PDE10A: variants seen among roughly 807,000 people sequenced by gnomAD.
The protein encoded by PDE10A is phosphodiesterase 10A, also known as cAMP and cAMP-inhibited cGMP 3',5'-cyclic phosphodiesterase 10A.
PDE10A carries 39 observed loss-of-function variants against 97.7 expected under a neutral mutation model. The observed-to-expected ratio is 0.40, with a 90% CI of 0.31 to 0.52. PDE10A has a LOEUF of 0.52. Ranked by LOEUF, PDE10A falls within the 20% of genes least tolerant of loss-of-function variation. The pLI is 0.56. For synonymous variants in PDE10A, 371 were observed against 376.8 expected (o/e 0.98, Z 0.18); for missense variants, 731 against 1,047.8 (o/e 0.70, Z 4.17).
At chr6:165,500,113 T>C (rs1432520679) in intron 2 of PDE10A, among the ~76,000 whole-genome samples, 1 of 152,226 alleles carries the variant, frequency 6.6e-6, no homozygotes, top group African/African-American at 2.4e-5. Context: ...ATATTCAACA[T>C]TATTCAATAT....
intron 20 of PDE10A, among the ~76,000 whole-genome samples, chr6:165,338,266 AT>A (rs1175219293): frequency 6.6e-6 from 1 of 152,226 alleles, no homozygotes; most frequent in Non-Finnish European, 1.5e-5. Flanking sequence ...GTATAAATCA[AT>A]TTTAAATAAA....
At chr6:165,944,834 A>G (rs1353301711) in intron 1 of PDE10A, among the ~76,000 whole-genome samples, 1 of 152,228 alleles carries the variant, frequency 6.6e-6, no homozygotes, top group Admixed American at 6.5e-5. Context: ...AATTTTTGAA[A>G]AAAAAGTATC....
At chr6:165,483,542 G>A (rs952137595) in intron 2 of PDE10A, among the ~76,000 whole-genome samples, 3 of 152,150 alleles carry the variant, frequency 2.0e-5, no homozygotes, top group Non-Finnish European at 4.4e-5. Context: ...AAGCCTCTCT[G>A]AAGATGAGAC....
chr6:165,437,190 T>C (rs557763367), intron 5 of PDE10A, among the ~76,000 whole-genome samples: 48 of 152,278 alleles, frequency 3.2e-4, no homozygotes, highest in South Asian at 1.7e-3. Flanking sequence ...GAGGGAGTCA[T>C]AGTTTTTGGC....
At chr6:165,760,823 A>T (rs1002584753) in intron 1 of PDE10A, among the ~76,000 whole-genome samples, 11 of 152,158 alleles carry the variant, frequency 7.2e-5, no homozygotes, top group African/African-American at 2.7e-4. Context: ...GGTGTCAGGG[A>T]AGGGATTTGA....
intron 1 of PDE10A, among the ~76,000 whole-genome samples, chr6:165,691,236 C>A (rs1791288687): frequency 1.3e-5 from 2 of 148,858 alleles, no homozygotes; most frequent in South Asian, 4.3e-4. Context: ...CACACACACA[C>A]ACACAGAGTC....
chr6:165,803,529 A>C (rs1409733481), intron 1 of PDE10A, among the ~76,000 whole-genome samples: 1 of 152,208 alleles, frequency 6.6e-6, no homozygotes, highest in Non-Finnish European at 1.5e-5. Flanking sequence ...TCCCAGTATT[A>C]AATGATAGGC....
intron 1 of PDE10A, among the ~76,000 whole-genome samples, chr6:165,784,664 G>A (rs1778447306): frequency 1.3e-5 from 2 of 152,180 alleles, no homozygotes. Flanking sequence ...TTTCCATGCA[G>A]GTCACATTCG....
chr6:165,786,438 TA>T (rs1778495978), intron 1 of PDE10A, among the ~76,000 whole-genome samples: 1 of 152,226 alleles, frequency 6.6e-6, no homozygotes, highest in African/African-American at 2.4e-5. Flanking sequence ...GAAGATAAAG[TA>T]AACTTAACTT....
rs189138703 is a variant in PDE10A, at chr6:165,564,049, A to G, written c.866-20481T>C. Among the ~76,000 whole-genome samples, 120 of 152,330 alleles carry G rather than the reference A, an allele frequency of 7.9e-4. 3 individuals carry two copies. In the East Asian group the frequency reaches 0.018, roughly 23 times the overall value. ...ATAAACTATTATTTGTGATTTCAAC[A>G]AAAGAATTAAGTTAATAAAAAATTG... On this transcript the variant is annotated intron_variant, in intron 1 of 21. Coordinates refer to ENST00000539869, the MANE Select transcript of PDE10A (RefSeq NM_001385079.1).
chr6:165,756,179 T>C (rs1190825087), intron 1 of PDE10A, among the ~76,000 whole-genome samples: 1 of 152,188 alleles, frequency 6.6e-6, no homozygotes, highest in African/African-American at 2.4e-5. Flanking sequence ...GCTACAAATA[T>C]TAGACAAATT....
At chr6:165,562,925 G>A (rs145182870) in intron 1 of PDE10A, among the ~76,000 whole-genome samples, 21 of 152,130 alleles carry the variant, frequency 1.4e-4, no homozygotes, top group Admixed American at 2.6e-4. Context: ...AGAAGCCGGC[G>A]AGGTTGCCTA....
At chr6:165,394,201 A>G (rs1785948131) in intron 15 of PDE10A, among the ~76,000 whole-genome samples, 1 of 151,960 alleles carries the variant, frequency 6.6e-6, no homozygotes, top group Non-Finnish European at 1.5e-5. Context: ...ATTTCTCCTA[A>G]TGCTATCCCT....
intron 17 of PDE10A, among the ~76,000 whole-genome samples, chr6:165,384,627 AGT>A (rs1211089384): frequency 1.6e-5 from 1 of 60,654 alleles, no homozygotes; most frequent in African/African-American, 1.2e-4. Flanking sequence ...TGTATGTGTG[AGT>A]GAGTGTGTGT....
intron 1 of PDE10A, among the ~76,000 whole-genome samples, chr6:165,557,592 G>A (rs933514059): frequency 6.6e-6 from 1 of 151,654 alleles, no homozygotes; most frequent in Non-Finnish European, 1.5e-5. Context: ...AAAAATCACA[G>A]AATATATAGG....
At chr6:165,850,540 C>T (rs1780546933) in intron 1 of PDE10A, among the ~76,000 whole-genome samples, 1 of 152,114 alleles carries the variant, frequency 6.6e-6, no homozygotes, top group Admixed American at 6.5e-5. Flanking sequence ...CTGTTTCCTA[C>T]GAATATGATA....
At chr6:165,557,277 GA>G (rs1312730033) in intron 1 of PDE10A, among the ~76,000 whole-genome samples, 1 of 152,020 alleles carries the variant, frequency 6.6e-6, no homozygotes, top group African/African-American at 2.4e-5. Flanking sequence ...GGTGGGAAAA[GA>G]AACAAAAAAT....
At chr6:165,932,422 G>C (rs937612194) in intron 1 of PDE10A, among the ~76,000 whole-genome samples, 3 of 151,718 alleles carry the variant, frequency 2.0e-5, no homozygotes, top group Admixed American at 2.0e-4. Context: ...TGCAACCTCC[G>C]CCTCCTGAGT....
chr6:165,460,870 T>A (rs917140690), intron 3 of PDE10A, among the ~76,000 whole-genome samples: 2 of 152,038 alleles, frequency 1.3e-5, no homozygotes, highest in Admixed American at 6.6e-5. Flanking sequence ...TAAAAAAAAA[T>A]TTGCAAGGTT....
Sources: gnomAD v4.1 joint callset for allele counts (sites outside exome capture counted in the v4.1 genomes callset) on GRCh38, gnomAD v4.1.1 for gene constraint, MANE v1.5 for transcripts, NCBI Gene and HGNC (gene_info 2026-07-23, HGNC 2026-07-21) for gene names.